Variants in P4HA1 observed in about 807,000 individuals in gnomAD.
P4HA1 encodes the protein prolyl 4-hydroxylase subunit alpha-1.
P4HA1 carries 24 observed loss-of-function variants against 72.8 expected under a neutral mutation model. The ratio of observed to expected loss-of-function variants is 0.33; its 90% CI spans 0.24 to 0.46. P4HA1 has a LOEUF of 0.46. Ranked by LOEUF, P4HA1 falls within the 20% of genes least tolerant of loss-of-function variation. The probability of loss-of-function intolerance (pLI) is 1.00; values close to 1 mark genes in which losing one functional copy is unlikely to be tolerated. For missense variants in P4HA1, 446 were observed against 640.6 expected (o/e 0.70, Z 3.28); for synonymous variants, 201 against 218.8 (o/e 0.92, Z 0.72).
intron 12 of P4HA1, among the ~76,000 whole-genome samples, chr10:73,012,044 G>A (rs549468200): frequency 3.3e-5 from 5 of 152,094 alleles, no homozygotes; most frequent in African/African-American, 9.6e-5. Flanking sequence ...TGCCCCTCTG[G>A]GAATGGTATT....
At chr10:73,085,540 C>T (rs986836543) in intron 1 of P4HA1, among the ~76,000 whole-genome samples, 1 of 152,006 alleles carries the variant, frequency 6.6e-6, no homozygotes, top group Non-Finnish European at 1.5e-5. Flanking sequence ...TGTGCCACCA[C>T]GCCTGGCTAA....
intron 2 of P4HA1, among the ~76,000 whole-genome samples, chr10:73,074,439 G>A (rs1841645179): frequency 6.6e-6 from 1 of 151,936 alleles, no homozygotes; most frequent in Non-Finnish European, 1.5e-5. Flanking sequence ...TCAACATGGT[G>A]AGACCCTGTC....
intron 11 of P4HA1, among the ~76,000 whole-genome samples, chr10:73,015,691 C>G (rs1370995616): frequency 1.3e-5 from 2 of 152,196 alleles, no homozygotes; most frequent in African/African-American, 4.8e-5. Context: ...TCTTACAGAG[C>G]TGTTATTCCC....
intron 1 of P4HA1, among the ~76,000 whole-genome samples, chr10:73,095,357 T>G (rs1476840844): frequency 6.6e-6 from 1 of 151,662 alleles, no homozygotes. Flanking sequence ...ATTTTCTCCA[T>G]AGAAACTTGA....
chr10:73,082,270 G>A (rs556120123), intron 1 of P4HA1, among the ~76,000 whole-genome samples: 82 of 152,232 alleles, frequency 5.4e-4, no homozygotes, highest in Admixed American at 5.2e-4. Context: ...CATAAGTCAA[G>A]GAGCATCTAT....
At chr10:73,028,716 T>A (rs923177900) in intron 10 of P4HA1, among the ~76,000 whole-genome samples, 2 of 150,326 alleles carry the variant, frequency 1.3e-5, no homozygotes, top group Non-Finnish European at 3.0e-5. Flanking sequence ...ATTACAGGCA[T>A]GAGCCACCAG....
At chr10:73,009,116 C>CA (rs1839856446) in intron 14 of P4HA1, among the ~76,000 whole-genome samples, 2 of 152,160 alleles carry the variant, frequency 1.3e-5, no homozygotes, top group Non-Finnish European at 2.9e-5. Flanking sequence ...ACACTATAAT[C>CA]ATAAGGGGAG....
intron 1 of P4HA1, among the ~76,000 whole-genome samples, chr10:73,091,610 C>T (rs922748423): frequency 6.6e-6 from 1 of 152,150 alleles, no homozygotes; most frequent in Non-Finnish European, 1.5e-5. Context: ...ACACATGTAA[C>T]AGGATATCTG....
chr10:73,046,128 CAG>C (rs1840857281), intron 8 of P4HA1, among the ~76,000 whole-genome samples: 1 of 152,086 alleles, frequency 6.6e-6, no homozygotes, highest in Admixed American at 6.5e-5. Flanking sequence ...ATAGTCATGA[CAG>C]AGATCATATG....
intron 5 of P4HA1, among the ~76,000 whole-genome samples, chr10:73,057,542 G>A (rs766382410): frequency 7.9e-5 from 12 of 151,928 alleles, no homozygotes; most frequent in Non-Finnish European, 1.5e-4. Flanking sequence ...AAAAACTAAA[G>A]TCTGTCTACT....
At position 73,044,049 on chromosome 10, in the gene P4HA1, G is replaced by A. The variant is rs1840798082; in HGVS notation, c.1148+932C>T. The A allele has an allele frequency of 8.0e-6, 7 of 877,934 alleles. No individual in the cohort carries two copies. The South Asian group carries it at 1.0e-4, about 13-fold the overall frequency. 54.4% of individuals were successfully genotyped at this position (877,934 alleles called of 1,614,324 possible). A position where few individuals can be genotyped will look rare whatever the true frequency, so the allele number is the denominator to read the frequency against. ...TTGTTTTGCCAAGCCACAGGTGATT[G>A]GAAGGGTTCAGATTGGTCTGGATGG... On this transcript the variant is annotated intron_variant, in intron 9 of 14. Coordinates refer to ENST00000394890, the MANE Select transcript of P4HA1 (RefSeq NM_001017962.3).
chr10:73,014,281 C>A lies in P4HA1; in HGVS notation c.1311G>T (p.Glu437Asp), dbSNP rs1018150085. The A allele has an allele frequency of 1.9e-6, 3 of 1,611,542 alleles. No individual in the cohort carries two copies. The Admixed American group carries it at 5.0e-5, about 27-fold the overall frequency. ...TCCCCAGCTCTTTGAAAGCATCTGG[C>A]TCATCTTTCTGTGAATAAAAACACA... is the stretch of plus-strand genomic sequence containing the variant. ...EPHFDFARKD[E>D]PDAFKELGTG... The change falls in exon 12 of 15, where the codon GAG (glutamate) becomes GAT (aspartate). Residue 437 changes from glutamate to aspartate, a missense_variant. Physicochemically the swap from Glu to Asp is conservative, Grantham distance 45. Transcript: ENST00000394890.
At chr10:73,056,313 T>C (rs1841146796) in intron 5 of P4HA1, among the ~76,000 whole-genome samples, 1 of 152,132 alleles carries the variant, frequency 6.6e-6, no homozygotes, top group Non-Finnish European at 1.5e-5. Flanking sequence ...TTATAATAAA[T>C]TTAAAAATAG....
Position 73,027,714 on chromosome 10 carries a change from G to T in P4HA1, c.1248+2557C>A, listed in dbSNP as rs1840315797. ...GGGTGGGAGGGAGGAAGAGAGAGAAGAAAGAAAGGAAAGGAGGGAAGGATG... is the reference window on the plus strand; with the variant it reads ...GGGTGGGAGGGAGGAAGAGAGAGAATAAAGAAAGGAAAGGAGGGAAGGATG... On this transcript the variant is annotated intron_variant, in intron 10 of 14. Transcript: ENST00000394890. Among the ~76,000 whole-genome samples, 3 of 142,190 alleles carry T rather than the reference G, an allele frequency of 2.1e-5. No individual in the cohort carries two copies. In the Admixed American group the frequency reaches 2.1e-4, roughly 10 times the overall value. 93.3% of individuals were successfully genotyped at this position (142,190 alleles called of 152,430 possible).
intron 1 of P4HA1, among the ~76,000 whole-genome samples, chr10:73,077,283 T>C (rs1841718894): frequency 6.6e-6 from 1 of 152,278 alleles, no homozygotes; most frequent in Non-Finnish European, 1.5e-5. Flanking sequence ...AGAAGGCTAA[T>C]CACAAATGTT....
intron 12 of P4HA1, among the ~76,000 whole-genome samples, chr10:73,011,970 A>C (rs184566246): frequency 7.0e-4 from 106 of 152,330 alleles, no homozygotes; most frequent in African/African-American, 2.5e-3. Context: ...CCAATGAAAA[A>C]ATTAAACTCT....
intron 9 of P4HA1, among the ~76,000 whole-genome samples, chr10:73,037,359 G>A (rs904474764): frequency 6.1e-5 from 9 of 147,542 alleles, no homozygotes; most frequent in South Asian, 2.2e-4. Flanking sequence ...ACTAGAATGC[G>A]CAGAGTAAGG....
intron 10 of P4HA1, among the ~76,000 whole-genome samples, chr10:73,027,204 T>A (rs1334647367): frequency 6.6e-6 from 1 of 152,098 alleles, no homozygotes; most frequent in African/African-American, 2.4e-5. Context: ...AACCCAAATG[T>A]CCATCAATAA....
chr10:73,014,099 T>G, intron 12 of P4HA1, 125 bp downstream of exon 12: 1 of 674,492 alleles, frequency 1.5e-6, no homozygotes, highest in Middle Eastern at 3.4e-4. Context: ...TTAACTCACT[T>G]TATTCAGTTG....
Sources: gnomAD v4.1 joint callset for allele counts (sites outside exome capture counted in the v4.1 genomes callset) on GRCh38, gnomAD v4.1.1 for gene constraint, MANE v1.5 for transcripts, NCBI Gene and HGNC (gene_info 2026-07-23, HGNC 2026-07-21) for gene names.